Variants in SLC37A1 observed in about 807,000 individuals in gnomAD.
SLC37A1 encodes the protein glucose-6-phosphate exchanger SLC37A1.
A neutral mutation model predicts 75.3 loss-of-function variants in SLC37A1; 49 were observed. That is an observed-to-expected ratio of 0.65 (90% CI 0.52 to 0.83). The LOEUF is 0.83. SLC37A1 is among the 40% of genes least tolerant of loss of function. The pLI is 0.00. For synonymous variants in SLC37A1, 268 were observed against 292.1 expected, an observed-to-expected ratio of 0.92 and a Z score of 0.84; for missense variants, 566 against 695.0, an observed-to-expected ratio of 0.81 and a Z score of 2.09.
intron 2 of SLC37A1, among the ~76,000 whole-genome samples, chr21:42,523,791 C>T (rs568832765): frequency 9.3e-4 from 142 of 152,238 alleles, no homozygotes; most frequent in African/African-American, 3.0e-3. Context: ...AGGTATTCTG[C>T]GAGTTGGTTT....
chr21:42,519,389 T>C (rs1243962049), intron 2 of SLC37A1, among the ~76,000 whole-genome samples: 1 of 152,158 alleles, frequency 6.6e-6, no homozygotes, highest in East Asian at 1.9e-4. Flanking sequence ...GGTAGTTTTG[T>C]GATCATTCCT....
At chr21:42,550,943 A>G (rs2055541527) in intron 9 of SLC37A1, among the ~76,000 whole-genome samples, 1 of 152,226 alleles carries the variant, frequency 6.6e-6, no homozygotes. Flanking sequence ...AAGGGCATCT[A>G]ATAAAACCCA....
chr21:42,554,601 GCACGGTGGGCTGGCCACGTGAGGTGCA>G lies in SLC37A1; in HGVS notation c.849+463_849+489del, dbSNP rs564263613. Among the ~76,000 whole-genome samples the G allele has an allele frequency of 4.8e-3, 727 of 152,298 alleles. 6 individuals carry two copies. The highest frequency in any genetic ancestry group is 0.017 in the African/African-American group (703 of 41,556). The stretch of plus-strand genomic sequence containing the variant: ...CACAGAGGGTGTCAGGGTGAGGGGC[GCACGGTGGGCTGGCCACGTGAGGTGCA>G]CACAGAAAACTGACATCATGGGACC... On this transcript the variant is annotated intron_variant, in intron 10 of 19. Transcript: ENST00000352133.
intron 2 of SLC37A1, among the ~76,000 whole-genome samples, chr21:42,519,962 G>A (rs1206483560): frequency 6.9e-6 from 1 of 143,886 alleles, no homozygotes; most frequent in East Asian, 1.9e-4. Flanking sequence ...TCCACAGTGT[G>A]TTTGTGTGTG....
chr21:42,552,054 A>C lies in SLC37A1; in HGVS notation c.769-2008A>C, dbSNP rs73905690. ...TTTTTGTTTCAAATGAATCACAATT[A>C]ATATGAAAGAGAGTATTCAATTCTT... On this transcript the variant is annotated intron_variant, in intron 9 of 19. Coordinates refer to ENST00000352133, the MANE Select transcript of SLC37A1 (RefSeq NM_001320537.2). The surrounding 1 kb of genome is among the most constrained non-coding windows in gnomAD (Gnocchi z 4.2). 0.013 allele frequency among the ~76,000 whole-genome samples: 2,001 copies of C among 152,290 alleles called. 42 individuals are homozygous for C. Among genetic ancestry groups the C allele is most frequent in the African/African-American group, 0.046 (1,909 of 41,532 alleles).
chr21:42,541,790 G>A (rs957962888), intron 6 of SLC37A1, among the ~76,000 whole-genome samples: 2 of 152,144 alleles, frequency 1.3e-5, no homozygotes, highest in African/African-American at 4.8e-5. Context: ...TGCCCAGGCT[G>A]GAGTGCAGTG....
intron 19 of SLC37A1, 90 bp from the exon 20 acceptor site, chr21:42,580,255 T>A (rs1241354225): frequency 6.8e-7 from 1 of 1,473,760 alleles, no homozygotes. Flanking sequence ...TGGCTCCCCA[T>A]AGGATTTGCA....
At chr21:42,559,891 CCCA>C (rs1230357707) in intron 11 of SLC37A1, among the ~76,000 whole-genome samples, 2 of 88,438 alleles carry the variant, frequency 2.3e-5, no homozygotes, top group African/African-American at 8.5e-5. Flanking sequence ...AAAAAAAAAA[CCCA>C]AAAAGTGCCT....
intron 11 of SLC37A1, among the ~76,000 whole-genome samples, chr21:42,559,570 C>G (rs947781087): frequency 5.9e-5 from 9 of 152,250 alleles, no homozygotes; most frequent in African/African-American, 2.2e-4. Flanking sequence ...CGGCTGGATT[C>G]TCTTTCCCTT....
At chr21:42,516,797 T>C (rs1019438910) in intron 1 of SLC37A1, among the ~76,000 whole-genome samples, 3 of 152,230 alleles carry the variant, frequency 2.0e-5, no homozygotes, top group African/African-American at 7.2e-5. Flanking sequence ...ACGCTGGACA[T>C]GGAGAAGCAG....
chr21:42,508,275 C>T (rs2054403445), intron 2 of SLC37A1, among the ~76,000 whole-genome samples: 2 of 151,922 alleles, frequency 1.3e-5, no homozygotes, highest in African/African-American at 4.8e-5. Context: ...ATTACAGGTG[C>T]CCGCCACCAT....
chr21:42,537,437 G>A (rs867298337), intron 5 of SLC37A1, among the ~76,000 whole-genome samples: 8 of 152,320 alleles, frequency 5.3e-5, no homozygotes, highest in Middle Eastern at 6.8e-3. Context: ...CCCAAAGTGG[G>A]AATGTGTTTT....
At chr21:42,573,568 CAT>C (rs1257386443) in intron 17 of SLC37A1, among the ~76,000 whole-genome samples, 2 of 151,764 alleles carry the variant, frequency 1.3e-5, no homozygotes, top group Non-Finnish European at 2.9e-5. Context: ...GGAGATAACA[CAT>C]GAGTAGCCGA....
intron 16 of SLC37A1, 88 bp downstream of exon 16, chr21:42,567,146 A>G: frequency 7.0e-7 from 1 of 1,420,016 alleles, no homozygotes; most frequent in Non-Finnish European, 9.7e-7. Context: ...CTGTTAGTAA[A>G]ACTGCATTTG....
intron 3 of SLC37A1, among the ~76,000 whole-genome samples, chr21:42,531,243 G>A (rs1021596867): frequency 6.6e-6 from 1 of 152,196 alleles, no homozygotes; most frequent in Non-Finnish European, 1.5e-5. Context: ...CACTCGTCGC[G>A]CTGTGACTCC....
chr21:42,577,302 T>C (rs1166947820), intron 18 of SLC37A1, among the ~76,000 whole-genome samples: 1 of 152,236 alleles, frequency 6.6e-6, no homozygotes, highest in Non-Finnish European at 1.5e-5. Flanking sequence ...TTTTGTGTGA[T>C]CCTCCAGCTG....
intron 17 of SLC37A1, among the ~76,000 whole-genome samples, chr21:42,569,839 C>T (rs1232700446): frequency 6.6e-6 from 1 of 152,250 alleles, no homozygotes; most frequent in Non-Finnish European, 1.5e-5. Context: ...CAGTTAGAAT[C>T]GCAGCCGGGG....
At chr21:42,506,082 T>C (rs1211146123) in intron 2 of SLC37A1, among the ~76,000 whole-genome samples, 2 of 152,238 alleles carry the variant, frequency 1.3e-5, no homozygotes, top group Non-Finnish European at 2.9e-5. Flanking sequence ...ACTTGCACGG[T>C]GAACATGAGT....
intron 11 of SLC37A1, among the ~76,000 whole-genome samples, chr21:42,559,880 A>AAT (rs1483747827): frequency 6.6e-6 from 1 of 151,382 alleles, no homozygotes; most frequent in Non-Finnish European, 1.5e-5. Context: ...TGTCTCAAAA[A>AAT]AAAAAAAAAA....
Sources: gnomAD v4.1 joint callset for allele counts (sites outside exome capture counted in the v4.1 genomes callset) on GRCh38, gnomAD v4.1.1 for gene constraint, Gnocchi (gnomAD v3.1) non-coding constraint, MANE v1.5 for transcripts, NCBI Gene and HGNC (gene_info 2026-07-23, HGNC 2026-07-21) for gene names.